Variants in HERPUD2 observed in about 807,000 individuals in gnomAD.
HERPUD2 encodes HERPUD family member 2, also known as homocysteine-responsive endoplasmic reticulum-resident ubiquitin-like domain member 2 protein.
A neutral mutation model predicts 49.9 loss-of-function variants in HERPUD2; 13 were observed. The ratio of observed to expected loss-of-function variants is 0.26; its 90% CI spans 0.17 to 0.41. HERPUD2 has a LOEUF of 0.41. Among genes scored for constraint, HERPUD2 ranks in the 10% least tolerant of loss-of-function variants. HERPUD2 has a pLI of 1.00. For missense variants in HERPUD2, 449 were observed against 492.2 expected (o/e 0.91, Z 0.83); for synonymous variants, 172 against 171.4 (o/e 1.00, Z -0.03).
intron 2 of HERPUD2, among the ~76,000 whole-genome samples, chr7:35,674,432 G>C (rs1199280886): frequency 2.5e-5 from 3 of 119,364 alleles, no homozygotes; most frequent in East Asian, 2.1e-4. Context: ...GAGAGAGAGA[G>C]AGAGAGAGAG....
intron 5 of HERPUD2, among the ~76,000 whole-genome samples, chr7:35,641,128 AT>A (rs1784961620): frequency 6.6e-6 from 1 of 152,210 alleles, no homozygotes; most frequent in African/African-American, 2.4e-5. Flanking sequence ...AACTGATAGA[AT>A]AATCATTAGG....
intron 2 of HERPUD2, among the ~76,000 whole-genome samples, chr7:35,676,409 T>G (rs1158065085): frequency 6.6e-6 from 1 of 152,186 alleles, no homozygotes; most frequent in Admixed American, 6.5e-5. Flanking sequence ...TTTTGACCAG[T>G]AGGAGTCCCT....
intron 2 of HERPUD2, among the ~76,000 whole-genome samples, chr7:35,686,600 T>TC (rs2116039898): frequency 7.5e-6 from 1 of 132,698 alleles, no homozygotes; most frequent in Admixed American, 7.5e-5. Flanking sequence ...GCGCCTGTAG[T>TC]CCCAGCTACT....
In HERPUD2 at chr7:35,694,619, G is replaced by T; in HGVS notation, c.-289C>A. 4.8e-6 allele frequency: 2 copies of T among 413,378 alleles called. No individual in the cohort carries two copies. Among genetic ancestry groups the T allele is most frequent in the Non-Finnish European group, 9.0e-6 (2 of 221,684 alleles). 25.6% of individuals were successfully genotyped at this position (413,378 alleles called of 1,614,324 possible). On this transcript the variant is annotated 5_prime_UTR_variant, in exon 2 of 9. Coordinates refer to ENST00000311350, the MANE Select transcript of HERPUD2 (RefSeq NM_022373.5). Reference sequence around the variant, plus strand: ...CGGACTGTGGAGGCCGTCGTGAGGAGAAAGGAAGCTATACGAAGGAAGGGT... The same window carrying T: ...CGGACTGTGGAGGCCGTCGTGAGGATAAAGGAAGCTATACGAAGGAAGGGT...
At chr7:35,678,146 C>T (rs1289964264) in intron 2 of HERPUD2, among the ~76,000 whole-genome samples, 2 of 151,938 alleles carry the variant, frequency 1.3e-5, no homozygotes, top group African/African-American at 4.8e-5. Context: ...TGACTAACAG[C>T]AGGCTGTGTA....
At chr7:35,678,737 T>G (rs917262031) in intron 2 of HERPUD2, among the ~76,000 whole-genome samples, 1 of 152,122 alleles carries the variant, frequency 6.6e-6, no homozygotes, top group Non-Finnish European at 1.5e-5. Context: ...CTAACTTATG[T>G]TTTTTTATTT....
intron 5 of HERPUD2, among the ~76,000 whole-genome samples, chr7:35,654,595 TAAAA>T (rs57491123): frequency 1.7e-5 from 2 of 120,896 alleles, no homozygotes; most frequent in Non-Finnish European, 1.7e-5. Context: ...AATCAGTAAT[TAAAA>T]AAAAAAAAAA....
chr7:35,637,768 A>T (rs776512182), intron 6 of HERPUD2, among the ~76,000 whole-genome samples: 16 of 152,268 alleles, frequency 1.1e-4, no homozygotes, highest in Non-Finnish European at 1.9e-4. Context: ...GAGCTATTAA[A>T]GGACACAGAA....
chr7:35,670,124 CTGTT>C (rs1287031200), intron 4 of HERPUD2, 87 bp downstream of exon 4: 2 of 543,688 alleles, frequency 3.7e-6, no homozygotes, highest in Non-Finnish European at 6.5e-6. Flanking sequence ...TCCAATTGTT[CTGTT>C]TTTCATTTAG....
intron 2 of HERPUD2, among the ~76,000 whole-genome samples, chr7:35,693,436 AT>A (rs1786236474): frequency 6.6e-6 from 1 of 152,120 alleles, no homozygotes; most frequent in African/African-American, 2.4e-5. Flanking sequence ...ACACATACTT[AT>A]TTCTAAGAAA....
At chr7:35,645,393 C>T (rs1583541434) in intron 5 of HERPUD2, among the ~76,000 whole-genome samples, 2 of 151,392 alleles carry the variant, frequency 1.3e-5, no homozygotes, top group Admixed American at 6.6e-5. Context: ...GAAGTCTGGG[C>T]GATATAGTGA....
chr7:35,678,873 A>G (rs777266177), intron 2 of HERPUD2, among the ~76,000 whole-genome samples: 11 of 152,168 alleles, frequency 7.2e-5, no homozygotes, highest in Non-Finnish European at 1.2e-4. Context: ...ATATTTTATC[A>G]CAAGCATCAC....
In HERPUD2 at chr7:35,674,446, GAGAGAGAGAGAGA is replaced by G. The variant is rs1785715766; in HGVS notation, c.148-1181_148-1169del. On this transcript the variant is annotated intron_variant, in intron 2 of 8. Transcript: ENST00000311350. ...AGAGAGAGAGAGAGAGAGAGAGAGA[GAGAGAGAGAGAGA>G]GAGAGGAGCACTGTGGTATCGTAAA... is the stretch of plus-strand genomic sequence containing the variant. Among the ~76,000 whole-genome samples the G allele has an allele frequency of 4.6e-5, 6 of 130,786 alleles. No individual in the cohort carries two copies. In the South Asian group the frequency reaches 1.1e-3, roughly 24 times the overall value. 85.8% of individuals were successfully genotyped at this position (130,786 alleles called of 152,430 possible).
At chr7:35,684,693 T>C in intron 2 of HERPUD2, among the ~76,000 whole-genome samples, 1 of 152,026 alleles carries the variant, frequency 6.6e-6, no homozygotes, top group South Asian at 2.1e-4. Context: ...GAGTTAAAGC[T>C]ATGAGGATAC....
chr7:35,694,176 A>G lies in HERPUD2; in HGVS notation c.147+8T>C, dbSNP rs918409598. ...CAGAGCAGCTGCCCCCAGCTTTTACACACTTACTGGTTTGCTAGGGTAAAC... is the reference window on the plus strand; with the variant it reads ...CAGAGCAGCTGCCCCCAGCTTTTACGCACTTACTGGTTTGCTAGGGTAAAC... On this transcript the variant is annotated splice_region_variant and intron_variant, in intron 2 of 8. Transcript: ENST00000311350. The G allele has an allele frequency of 1.2e-6, 2 of 1,613,972 alleles. No homozygotes were observed. The highest frequency in any genetic ancestry group is 2.7e-5 in the African/African-American group (2 of 74,916).
rs147303044 is a variant in HERPUD2 at position 35,652,939 on chromosome 7, T to C, written c.495-14467A>G. ...CCCACTGGTAGAGCAAATACACAAA[T>C]AAAAAAGAGAAAGAATTTATATGTC... On this transcript the variant is annotated intron_variant, in intron 5 of 8. Coordinates refer to ENST00000311350, the MANE Select transcript of HERPUD2 (RefSeq NM_022373.5). Among the ~76,000 whole-genome samples, 8 of 146,236 alleles carry C rather than the reference T, an allele frequency of 5.5e-5. No homozygotes were observed. The East Asian group carries it at 1.4e-3, about 25-fold the overall frequency.
At chr7:35,656,635 A>G (rs1785280599) in intron 5 of HERPUD2, among the ~76,000 whole-genome samples, 1 of 152,232 alleles carries the variant, frequency 6.6e-6, no homozygotes, top group South Asian at 2.1e-4. Context: ...CCAATGGAAC[A>G]TAACAGAGAA....
chr7:35,641,098 A>G (rs1424290098), intron 5 of HERPUD2, among the ~76,000 whole-genome samples: 1 of 152,224 alleles, frequency 6.6e-6, no homozygotes, highest in Non-Finnish European at 1.5e-5. Flanking sequence ...AATTGTAGTT[A>G]ATATGTTTTC....
At chr7:35,648,987 C>G (rs995861222) in intron 5 of HERPUD2, among the ~76,000 whole-genome samples, 4 of 152,220 alleles carry the variant, frequency 2.6e-5, no homozygotes, top group African/African-American at 9.7e-5. Context: ...AGCAGTGGCT[C>G]ACGCCTGTAA....
Sources: gnomAD v4.1 joint callset for allele counts (sites outside exome capture counted in the v4.1 genomes callset) on GRCh38, gnomAD v4.1.1 for gene constraint, MANE v1.5 for transcripts, NCBI Gene and HGNC (gene_info 2026-07-23, HGNC 2026-07-21) for gene names.